Variants in ENPP3 observed in about 807,000 individuals in gnomAD.
ENPP3 encodes ectonucleotide pyrophosphatase/phosphodiesterase family member 3.
A neutral mutation model predicts 117.8 loss-of-function variants in ENPP3; 104 were observed. That is an observed-to-expected ratio of 0.88 (90% CI 0.75 to 1.04). The LOEUF (loss-of-function observed/expected upper bound fraction) is 1.04. Ranked by LOEUF, ENPP3 falls within the 50% of genes least tolerant of loss-of-function variation. The pLI, the probability that ENPP3 is intolerant of heterozygous loss-of-function variation, is 0.00. For synonymous variants in ENPP3, 380 were observed against 349.9 expected (o/e 1.09, Z -0.96); for missense variants, 1,026 against 1,051.9 (o/e 0.98, Z 0.34).
rs969807952 is a variant in ENPP3, at chr6:131,696,653, GGTT to G, written c.1412+3045_1412+3047del. On this transcript the variant is annotated intron_variant, in intron 15 of 24. Transcript: ENST00000357639. Reference sequence around the variant, plus strand: ...AGGAGGAAGGGGATTCGTTTTTTGTGGTTGTTGTTGTTGTTGTTTTTGCCAAAA... The same window carrying G: ...AGGAGGAAGGGGATTCGTTTTTTGTGGTTGTTGTTGTTGTTTTTGCCAAAA... Among the ~76,000 whole-genome samples, 710 of 152,048 alleles carry G rather than the reference GGTT, an allele frequency of 4.7e-3. 8 individuals are homozygous for G. The highest frequency in any genetic ancestry group is 0.016 in the African/African-American group (652 of 41,474).
chr6:131,746,727 T>C, intron 24 of ENPP3, 59 bp from the exon 25 acceptor site: 1 of 1,474,116 alleles, frequency 6.8e-7, no homozygotes, highest in Non-Finnish European at 9.3e-7. Context: ...ATAAAAATAT[T>C]TCTGTTCATG....
intron 11 of ENPP3, among the ~76,000 whole-genome samples, chr6:131,680,020 A>G (rs560576229): frequency 5.9e-5 from 9 of 152,186 alleles, no homozygotes; most frequent in African/African-American, 2.2e-4. Flanking sequence ...GAAAAAGTAC[A>G]ATAAGAAGCA....
At position 131,637,479 on chromosome 6, in the gene ENPP3, T is replaced by A; in HGVS notation, c.78+17T>A. 3 of 1,363,134 alleles carry A rather than the reference T, an allele frequency of 2.2e-6. No homozygotes were observed. The allele number at this position is 1,363,134 out of a possible 1,614,324, so 84.4% of individuals were successfully genotyped here. On this transcript the variant is annotated intron_variant, in intron 1 of 24. Coordinates refer to ENST00000357639, the MANE Select transcript of ENPP3 (RefSeq NM_005021.5). Reference sequence around the variant, plus strand: ...GCTTGCATTGTAAGTACAATTCTTATTTTTAGTCTTTCTAGTTTTGTGACA... The same window carrying A: ...GCTTGCATTGTAAGTACAATTCTTAATTTTAGTCTTTCTAGTTTTGTGACA...
intron 5 of ENPP3, among the ~76,000 whole-genome samples, 169 bp from the exon 6 acceptor site, chr6:131,658,153 CA>C (rs199850108): frequency 0.029 from 2,465 of 83,640 alleles, 33 homozygotes; most frequent in African/African-American, 0.081. Context: ...AACTGTGTCT[CA>C]AAAAAAAAAA....
At chr6:131,733,491 C>G in intron 20 of ENPP3, 97 bp from the exon 21 acceptor site, 1 of 1,346,580 alleles carries the variant, frequency 7.4e-7, no homozygotes, top group Non-Finnish European at 1.0e-6. Flanking sequence ...ATAGGAAAAG[C>G]TTAAATGAAA....
chr6:131,653,340 G>T, intron 5 of ENPP3, among the ~76,000 whole-genome samples: 1 of 145,700 alleles, frequency 6.9e-6, no homozygotes, highest in Non-Finnish European at 1.5e-5. Context: ...TACAGATGAG[G>T]TTTCACTAGG....
chr6:131,744,789 A>T (rs1459391573), intron 24 of ENPP3, among the ~76,000 whole-genome samples: 1 of 149,394 alleles, frequency 6.7e-6, no homozygotes, highest in Non-Finnish European at 1.5e-5. Context: ...TTAATTCTGT[A>T]ACAGGTCATT....
At chr6:131,722,506 G>A (rs962425388) in intron 18 of ENPP3, 101 bp downstream of exon 18, 44 of 884,314 alleles carry the variant, frequency 5.0e-5, no homozygotes, top group Non-Finnish European at 7.0e-5. Flanking sequence ...TTTGTGTTCC[G>A]CCTTGGATAT....
rs1318473180 is a variant in ENPP3 at position 131,637,376 on chromosome 6, A to G, written c.-9A>G. ...TCTGATAAAACAGGTCTATGCAGCT[A>G]CCAGGACAATGGAATCTACGTTGAC... is the stretch of plus-strand genomic sequence containing the variant. On this transcript the variant is annotated 5_prime_UTR_variant, in exon 1 of 25. Coordinates refer to ENST00000357639, the MANE Select transcript of ENPP3 (RefSeq NM_005021.5). The G allele has an allele frequency of 1.3e-6, 2 of 1,581,874 alleles. No homozygotes were observed. Among genetic ancestry groups the G allele is most frequent in the African/African-American group, 1.4e-5 (1 of 73,658 alleles).
At chr6:131,647,400 G>T (rs556335436) in intron 2 of ENPP3, among the ~76,000 whole-genome samples, 2 of 152,054 alleles carry the variant, frequency 1.3e-5, no homozygotes, top group African/African-American at 4.8e-5. Context: ...AAATATGTTT[G>T]TAATTATGTA....
At chr6:131,640,121 C>T (rs997137922) in intron 1 of ENPP3, among the ~76,000 whole-genome samples, 4 of 152,158 alleles carry the variant, frequency 2.6e-5, no homozygotes, top group Non-Finnish European at 5.9e-5. Context: ...ATCTTAAGAA[C>T]AGCTAGATGT....
At chr6:131,744,270 A>G (rs979692184) in intron 24 of ENPP3, among the ~76,000 whole-genome samples, 1 of 152,064 alleles carries the variant, frequency 6.6e-6, no homozygotes, top group African/African-American at 2.4e-5. Context: ...TTGTACTGTA[A>G]AATTCTGTCA....
chr6:131,701,951 C>T (rs1190414825), intron 15 of ENPP3, among the ~76,000 whole-genome samples: 1 of 150,164 alleles, frequency 6.7e-6, no homozygotes, highest in South Asian at 2.1e-4. Context: ...TTTTTTATTA[C>T]GTTAATTTTT....
chr6:131,739,098 C>T (rs1200901669), intron 23 of ENPP3, among the ~76,000 whole-genome samples: 1 of 152,140 alleles, frequency 6.6e-6, no homozygotes, highest in Non-Finnish European at 1.5e-5. Context: ...GTTCCATTAG[C>T]CCCCAGTTAG....
chr6:131,714,697 AT>A (rs1008727471), intron 15 of ENPP3, among the ~76,000 whole-genome samples: 3 of 132,222 alleles, frequency 2.3e-5, no homozygotes, highest in Non-Finnish European at 4.5e-5. Context: ...ATATATATCA[AT>A]TTTTTTTCCA....
In ENPP3 at chr6:131,712,543, A is replaced by G. The variant is rs17090727; in HGVS notation, c.1413-6129A>G. Among the ~76,000 whole-genome samples, 3 of 128,906 alleles carry G rather than the reference A, an allele frequency of 2.3e-5. 1 individual carries two copies. The highest frequency in any genetic ancestry group is 4.5e-5 in the Non-Finnish European group (3 of 66,728). 84.6% of individuals were successfully genotyped at this position (128,906 alleles called of 152,430 possible). On this transcript the variant is annotated intron_variant, in intron 15 of 24. Transcript: ENST00000357639. ...GGATCTGAACTCCAGTAGCTTTCCAAGAAGTTTTTAGTCCCTGATGATCTC... is the reference window on the plus strand; with the variant it reads ...GGATCTGAACTCCAGTAGCTTTCCAGGAAGTTTTTAGTCCCTGATGATCTC...
rs1393214510 is a variant in ENPP3 at position 131,720,330 on chromosome 6, G to C, written c.1518G>C (p.Lys506Asn). 1 of 1,601,280 alleles carries C rather than the reference G, an allele frequency of 6.2e-7. No homozygotes were observed. The highest frequency in any genetic ancestry group is 2.3e-5 in the East Asian group (1 of 44,372). Residue 506 changes from lysine to asparagine, a missense_variant, in exon 17 of 25, where the codon AAG becomes AAC. By Grantham distance (94) the Lys-to-Asn change is moderately conservative. Transcript: ENST00000357639. The part of the protein sequence containing the change: ...FLAHGPSFKE[K>N]TEVEPFENIE... The stretch of plus-strand genomic sequence containing the variant: ...CACATGGACCCAGTTTTAAAGAGAA[G>C]ACTGAAGTTGAACCATTTGAAAATA...
chr6:131,689,881 A>G (rs1223778868), intron 14 of ENPP3, among the ~76,000 whole-genome samples: 2 of 152,008 alleles, frequency 1.3e-5, no homozygotes, highest in Non-Finnish European at 2.9e-5. Flanking sequence ...GTTGATTCCA[A>G]CCCTCCTGGA....
intron 14 of ENPP3, among the ~76,000 whole-genome samples, chr6:131,693,055 T>G (rs904107815): frequency 1.6e-4 from 24 of 145,898 alleles, no homozygotes; most frequent in African/African-American, 3.2e-4. Context: ...AATATATATG[T>G]TTATATATTA....
Sources: gnomAD v4.1 joint callset for allele counts (sites outside exome capture counted in the v4.1 genomes callset) on GRCh38, gnomAD v4.1.1 for gene constraint, MANE v1.5 for transcripts, NCBI Gene and HGNC (gene_info 2026-07-23, HGNC 2026-07-21) for gene names.